Variants in SYNE1 observed in about 807,000 individuals in gnomAD.
SYNE1 encodes nesprin-1.
Under a neutral mutation model 1,111.0 loss-of-function variants are expected in SYNE1, and 616 were observed. The ratio of observed to expected loss-of-function variants is 0.55; its 90% CI spans 0.52 to 0.59. The LOEUF is 0.59. SYNE1 is among the 20% of genes least tolerant of loss of function. The pLI, the probability that SYNE1 is intolerant of heterozygous loss-of-function variation, is 0.00. For synonymous variants in SYNE1, 3,855 were observed against 3,825.8 expected (o/e 1.01, Z -0.28); for missense variants, 10,006 against 10,417.0 (o/e 0.96, Z 1.72).
rs1194777503 is a variant in SYNE1 at position 152,256,703 on chromosome 6, G to C, written c.19035C>G (p.Thr6345=). 1 of 1,614,060 alleles carries C rather than the reference G, an allele frequency of 6.2e-7. No individual in the cohort carries two copies. The highest frequency in any genetic ancestry group is 1.1e-5 in the South Asian group (1 of 91,086). The part of the protein sequence containing the change: ...GVPLYKGDVP[T]QDKSAVTSLL... ...AAGATGTAACTGCAGATTTATCTTG[G>C]GTTGGCACGTCCCCTTTGTACAGTG... Residue 6345 remains threonine, a synonymous_variant, in exon 102 of 146, where the codon ACC becomes ACG. Transcript: ENST00000367255.
rs776567644 is a variant in SYNE1 at position 152,224,522 on chromosome 6, G to A, written c.21494C>T (p.Ala7165Val). The A allele has an allele frequency of 8.7e-6, 14 of 1,613,924 alleles. No homozygotes were observed. Among genetic ancestry groups the A allele is most frequent in the South Asian group, 6.6e-5 (6 of 91,090 alleles). The change falls in exon 117 of 146, where the codon GCT (alanine) becomes GTT (valine). Residue 7165 changes from alanine to valine, a missense_variant. By Grantham distance (64) the Ala-to-Val change is moderately conservative (BLOSUM62 0). This residue lies in a region of SYNE1 where 2,182 missense variants were observed against 2,287.8 expected (regional missense o/e 0.95). Coordinates refer to ENST00000367255, the MANE Select transcript of SYNE1 (RefSeq NM_182961.4). ...RFRLLTGSLE[A>V]VQVQVDNLQN... ...AAGATTGTCCACCTGAACTTGCACAGCTTCTAAGGAGCCAGTCAGCAGACG... is the reference window on the plus strand; with the variant it reads ...AAGATTGTCCACCTGAACTTGCACAACTTCTAAGGAGCCAGTCAGCAGACG...
At chr6:152,168,144 C>T (rs781039311) in intron 130 of SYNE1, 3 of 779,134 alleles carry the variant, frequency 3.9e-6, no homozygotes, top group Non-Finnish European at 7.2e-6. Context: ...TCTGGGAGAT[C>T]TGCATCCACA....
chr6:152,189,810 A>T (rs760329625), intron 127 of SYNE1, among the ~76,000 whole-genome samples: 2 of 152,220 alleles, frequency 1.3e-5, no homozygotes, highest in Non-Finnish European at 2.9e-5. Context: ...TCTTGGCTCA[A>T]CGTGAAAGGC....
At chr6:152,401,078 A>G (rs2097806294) in intron 47 of SYNE1, 60 bp downstream of exon 47, 4 of 1,549,892 alleles carry the variant, frequency 2.6e-6, no homozygotes, top group African/African-American at 1.4e-5. Context: ...TATAGTCACC[A>G]CAAAACAGAA....
intron 120 of SYNE1, 31 bp from the exon 121 acceptor site, chr6:152,218,434 A>G: frequency 1.3e-6 from 2 of 1,552,074 alleles, no homozygotes; most frequent in Non-Finnish European, 1.7e-6. Flanking sequence ...TTGGTATTTC[A>G]GTTAAAAAAA....
intron 3 of SYNE1, among the ~76,000 whole-genome samples, chr6:152,575,976 A>C (rs752885783): frequency 1.3e-5 from 2 of 152,256 alleles, no homozygotes; most frequent in Non-Finnish European, 2.9e-5. Context: ...GGAAACGGCT[A>C]TTGCATAATC....
chr6:152,424,131 G>A (rs2098314444), intron 39 of SYNE1, among the ~76,000 whole-genome samples: 1 of 152,146 alleles, frequency 6.6e-6, no homozygotes, highest in Non-Finnish European at 1.5e-5. Flanking sequence ...AAAGGTGCCT[G>A]GGATATCATC....
intron 3 of SYNE1, among the ~76,000 whole-genome samples, chr6:152,626,847 A>ATGTTC (rs1243365656): frequency 6.6e-6 from 1 of 152,176 alleles, no homozygotes; most frequent in Admixed American, 6.5e-5. Context: ...AGCTGTGAGC[A>ATGTTC]TGTTCTGGGT....
chr6:152,450,948 A>C, intron 26 of SYNE1, 99 bp downstream of exon 26: 8 of 1,595,566 alleles, frequency 5.0e-6, no homozygotes, highest in Non-Finnish European at 6.9e-6. Context: ...AGAGTAATTA[A>C]GCTATTATTT....
At position 152,215,737 on chromosome 6, in the gene SYNE1, A is replaced by G. The variant is rs2078481327; in HGVS notation, c.22192-677T>C. 3.3e-5 allele frequency among the ~76,000 whole-genome samples: 5 copies of G among 152,344 alleles called. No homozygotes were observed. In the South Asian group the frequency reaches 1.0e-3, roughly 32 times the overall value. On this transcript the variant is annotated intron_variant, in intron 121 of 145. Coordinates refer to ENST00000367255, the MANE Select transcript of SYNE1 (RefSeq NM_182961.4). ...CTCATTTTATCCTCAAAACGATCAC[A>G]TAAGATAAGTCATGCTGCTATTCTC...
intron 73 of SYNE1, among the ~76,000 whole-genome samples, chr6:152,344,867 A>C (rs747663623): frequency 6.6e-6 from 1 of 152,200 alleles, no homozygotes; most frequent in African/African-American, 2.4e-5. Flanking sequence ...TATCCATAAG[A>C]CATATTAAGA....
chr6:152,310,942 T>G, intron 87 of SYNE1, 69 bp from the exon 88 acceptor site: 1 of 1,499,032 alleles, frequency 6.7e-7, no homozygotes, highest in Non-Finnish European at 9.1e-7. Context: ...CAATATAGCT[T>G]GGCATAAAAT....
intron 20 of SYNE1, chr6:152,462,529 A>G (rs2098740544): frequency 3.2e-6 from 2 of 616,266 alleles, no homozygotes; most frequent in Non-Finnish European, 5.6e-6. Flanking sequence ...CCAAACTGAG[A>G]AACAATTTGA....
intron 112 of SYNE1, among the ~76,000 whole-genome samples, chr6:152,233,561 G>A (rs745747017): frequency 6.6e-6 from 1 of 152,062 alleles, no homozygotes; most frequent in Non-Finnish European, 1.5e-5. Flanking sequence ...CTGAGCTCAG[G>A]CAATCCACCC....
intron 41 of SYNE1, among the ~76,000 whole-genome samples, chr6:152,414,439 A>G (rs1417013812): frequency 6.6e-6 from 1 of 152,088 alleles, no homozygotes; most frequent in Admixed American, 6.6e-5. Flanking sequence ...ACAAAGAGGC[A>G]GCCATTTACT....
intron 116 of SYNE1, 112 bp from the exon 117 acceptor site, chr6:152,224,776 TATC>T: frequency 8.9e-7 from 1 of 1,123,854 alleles, no homozygotes; most frequent in Non-Finnish European, 1.3e-6. Flanking sequence ...GGGTTTCAGG[TATC>T]ATAAACAAAC....
At chr6:152,131,774 C>T (rs1363147865) in intron 144 of SYNE1, among the ~76,000 whole-genome samples, 1 of 152,176 alleles carries the variant, frequency 6.6e-6, no homozygotes, top group Admixed American at 6.5e-5. Context: ...AAGTGGAGGC[C>T]TACCTTTTAA....
At chr6:152,587,380 C>G (rs932452077) in intron 3 of SYNE1, among the ~76,000 whole-genome samples, 2 of 152,166 alleles carry the variant, frequency 1.3e-5, no homozygotes, top group African/African-American at 4.8e-5. Context: ...CTTAAATTAT[C>G]TAACCAATAT....
chr6:152,331,369 T>G lies in SYNE1; in HGVS notation c.13316A>C (p.Asp4439Ala). Residue 4439 changes from aspartate (D) to alanine (A), a missense_variant, in exon 78 of 146, where the codon GAC becomes GCC. Transcript: ENST00000367255. ...GTACTTTCTTCGCTGGCCCACTAAG[T>G]CACTGAGACAATTCACGTGGCTTTG... ...DAQSHVNCLS[D>A]LVGQRRKYLN... 6.2e-7 allele frequency: 1 copy of G among 1,614,214 alleles called. No individual in the cohort carries two copies. The highest frequency in any genetic ancestry group is 8.5e-7 in the Non-Finnish European group (1 of 1,180,048).
Sources: gnomAD v4.1 joint callset for allele counts (sites outside exome capture counted in the v4.1 genomes callset) on GRCh38, gnomAD v4.1.1 for gene constraint, gnomAD v4.1.1 regional missense constraint, MANE v1.5 for transcripts, NCBI Gene and HGNC (gene_info 2026-07-23, HGNC 2026-07-21) for gene names.